ATL2: variants seen among roughly 807,000 people sequenced by gnomAD.
ATL2 encodes atlastin-2.
ATL2 carries 31 observed loss-of-function variants against 73.9 expected under a neutral mutation model. That is an observed-to-expected ratio of 0.42 (90% CI 0.32 to 0.57). The LOEUF is 0.57. Among genes scored for constraint, ATL2 ranks in the 20% least tolerant of loss-of-function variants. ATL2 has a pLI of 0.14. For synonymous variants in ATL2, 291 were observed against 237.5 expected (o/e 1.23, Z -2.07); for missense variants, 738 against 702.6 (o/e 1.05, Z -0.57).
chr2:38,320,194 C>T (rs1053467370), intron 2 of ATL2, among the ~76,000 whole-genome samples: 1 of 152,120 alleles, frequency 6.6e-6, no homozygotes, highest in African/African-American at 2.4e-5. Flanking sequence ...TTTAAAACGT[C>T]TTTTTTAAAC....
chr2:38,297,995 T>C (rs955415441), intron 12 of ATL2, 149 bp downstream of exon 12: 2 of 737,024 alleles, frequency 2.7e-6, no homozygotes, highest in Non-Finnish European at 4.3e-6. Flanking sequence ...AAATCTTCAA[T>C]TCATAAAGAT....
At chr2:38,312,382 C>A (rs1667801245) in intron 7 of ATL2, among the ~76,000 whole-genome samples, 1 of 146,420 alleles carries the variant, frequency 6.8e-6, no homozygotes, top group Non-Finnish European at 1.5e-5. Flanking sequence ...GTGGCACTTC[C>A]CCCTTCACTC....
intron 2 of ATL2, among the ~76,000 whole-genome samples, chr2:38,336,690 T>G (rs192327725): frequency 8.3e-4 from 126 of 152,354 alleles, no homozygotes; most frequent in African/African-American, 3.0e-3. Context: ...TTGCCTAGTC[T>G]CGAATTTAAG....
chr2:38,337,486 CAAAAAAAAAAAAA>C lies in ATL2; in HGVS notation c.363+5769_363+5781del, dbSNP rs755029194. 6.4e-3 allele frequency among the ~76,000 whole-genome samples: 139 copies of C among 21,658 alleles called. 1 individual carries two copies. The highest frequency in any genetic ancestry group is 9.9e-3 in the African/African-American group (65 of 6,538). The allele number at this position is 21,658 out of a possible 152,430, so 14.2% of individuals were successfully genotyped here. On this transcript the variant is annotated intron_variant, in intron 2 of 12. Coordinates refer to ENST00000378954, the MANE Select transcript of ATL2 (RefSeq NM_001135673.4). ...TGGCGACAGAACAAGACTCTGTCTC[CAAAAAAAAAAAAA>C]AAAAAAAAAAAAAAAAAAGGCAGTT...
intron 1 of ATL2, 78 bp downstream of exon 1, chr2:38,377,065 C>T: frequency 2.1e-6 from 3 of 1,396,658 alleles, no homozygotes; most frequent in South Asian, 1.3e-5. Flanking sequence ...CCGCCGCCTG[C>T]GGCCGGTGCC....
intron 1 of ATL2, among the ~76,000 whole-genome samples, chr2:38,360,397 C>T (rs1473344261): frequency 6.6e-6 from 1 of 151,936 alleles, no homozygotes; most frequent in Non-Finnish European, 1.5e-5. Context: ...GACATCCTCC[C>T]ATCTCAGCTT....
chr2:38,358,293 T>C (rs543219515), intron 1 of ATL2: 1 of 152,380 alleles, frequency 6.6e-6, no homozygotes, highest in South Asian at 2.1e-4. Context: ...AGACTGCTAA[T>C]ACTGTGATAC....
chr2:38,332,078 T>A (rs1669029008), intron 2 of ATL2, among the ~76,000 whole-genome samples: 1 of 152,190 alleles, frequency 6.6e-6, no homozygotes, highest in African/African-American at 2.4e-5. Context: ...CCACATTTTT[T>A]AAGATTCAAC....
intron 1 of ATL2, among the ~76,000 whole-genome samples, chr2:38,362,670 C>T (rs1007550812): frequency 9.9e-5 from 15 of 152,206 alleles, no homozygotes; most frequent in African/African-American, 2.2e-4. Flanking sequence ...TGAACACCTA[C>T]AACACAGTTC....
chr2:38,332,547 ACT>A (rs1305245618), intron 2 of ATL2, among the ~76,000 whole-genome samples: 4 of 152,174 alleles, frequency 2.6e-5, no homozygotes, highest in African/African-American at 9.7e-5. Context: ...TAGTTGCACA[ACT>A]CTGTGAATAT....
intron 1 of ATL2, chr2:38,359,750 A>G (rs1010554078): frequency 2.0e-5 from 3 of 152,202 alleles, no homozygotes; most frequent in Non-Finnish European, 4.4e-5. Context: ...TATAAACTCA[A>G]AAGTATTTTT....
At chr2:38,332,573 G>C (rs1669062853) in intron 2 of ATL2, among the ~76,000 whole-genome samples, 1 of 152,156 alleles carries the variant, frequency 6.6e-6, no homozygotes, top group Non-Finnish European at 1.5e-5. Context: ...AAAAACCACT[G>C]AACCGCACAC....
chr2:38,306,218 C>G (rs905518216), intron 9 of ATL2, among the ~76,000 whole-genome samples: 1 of 152,170 alleles, frequency 6.6e-6, no homozygotes, highest in Non-Finnish European at 1.5e-5. Context: ...CCCGTACAGA[C>G]CAATAACAAG....
intron 1 of ATL2, among the ~76,000 whole-genome samples, chr2:38,370,147 C>T (rs1388854185): frequency 2.6e-5 from 3 of 114,106 alleles, no homozygotes; most frequent in South Asian, 5.1e-4. Flanking sequence ...AGCGAGACTC[C>T]GTCAAAAAAA....
intron 1 of ATL2, among the ~76,000 whole-genome samples, chr2:38,371,328 G>A (rs1671677540): frequency 6.6e-6 from 1 of 151,954 alleles, no homozygotes; most frequent in African/African-American, 2.4e-5. Flanking sequence ...ACAACACAGG[G>A]AGACCACATC....
At chr2:38,349,096 A>G (rs1379821490) in intron 1 of ATL2, among the ~76,000 whole-genome samples, 1 of 151,298 alleles carries the variant, frequency 6.6e-6, no homozygotes, top group African/African-American at 2.4e-5. Context: ...TAGTTCAACC[A>G]TTGTGGAAGT....
At chr2:38,369,276 C>A (rs1255040364) in intron 1 of ATL2, among the ~76,000 whole-genome samples, 9 of 151,198 alleles carry the variant, frequency 6.0e-5, no homozygotes, top group Non-Finnish European at 1.5e-5. Context: ...ATAGTGAAAC[C>A]CCCATCTCTA....
intron 2 of ATL2, among the ~76,000 whole-genome samples, chr2:38,324,805 A>C (rs1668505866): frequency 6.6e-6 from 1 of 152,236 alleles, no homozygotes; most frequent in Non-Finnish European, 1.5e-5. Context: ...CAAATATTCT[A>C]TGATTCTACT....
chr2:38,306,370 A>G (rs1280195524), intron 9 of ATL2, among the ~76,000 whole-genome samples: 2 of 152,236 alleles, frequency 1.3e-5, no homozygotes, highest in Non-Finnish European at 2.9e-5. Flanking sequence ...GGAGGAGGGA[A>G]TATTTCCAAA....
Sources: allele counts gnomAD v4.1 joint callset (sites outside exome capture counted in the v4.1 genomes callset), GRCh38; gene constraint gnomAD v4.1.1; transcripts MANE v1.5; gene names NCBI Gene and HGNC (gene_info 2026-07-23, HGNC 2026-07-21).